Variants in PKNOX1 observed in about 807,000 individuals in gnomAD.
PKNOX1 encodes PBX/knotted 1 homeobox 1, also known as homeobox protein PKNOX1.
A neutral mutation model predicts 51.9 loss-of-function variants in PKNOX1; 15 were observed. The ratio of observed to expected loss-of-function variants is 0.29; its 90% confidence interval spans 0.19 to 0.45. The LOEUF is 0.45. Among genes scored for constraint, PKNOX1 ranks in the 20% least tolerant of loss-of-function variants. The probability of loss-of-function intolerance (pLI) is 1.00; values close to 1 mark genes in which losing one functional copy is unlikely to be tolerated. For missense variants in PKNOX1, 462 were observed against 547.5 expected (o/e 0.84, Z 1.56); for synonymous variants, 219 against 211.1 (o/e 1.04, Z -0.32).
At chr21:42,986,226 G>A (rs1200370449) in intron 1 of PKNOX1, among the ~76,000 whole-genome samples, 1 of 152,028 alleles carries the variant, frequency 6.6e-6, no homozygotes, top group Non-Finnish European at 1.5e-5. Flanking sequence ...GTGATGGCTG[G>A]GCGCAGTGGC....
intron 1 of PKNOX1, among the ~76,000 whole-genome samples, chr21:42,979,514 G>A (rs541382230): frequency 6.6e-5 from 10 of 152,312 alleles, no homozygotes; most frequent in East Asian, 3.9e-4. Context: ...AGGCCGAGGC[G>A]GGTGGATCAC....
intron 1 of PKNOX1, among the ~76,000 whole-genome samples, chr21:42,998,663 C>T (rs1479988017): frequency 6.6e-6 from 1 of 152,182 alleles, no homozygotes; most frequent in Non-Finnish European, 1.5e-5. Flanking sequence ...AGGCTACAGG[C>T]TCCCATGTAA....
chr21:43,031,958 T>G lies in PKNOX1; in HGVS notation c.*1857T>G, dbSNP rs762115314. On this transcript the variant is annotated 3_prime_UTR_variant, in exon 11 of 11. Transcript: ENST00000291547. ...CTCACTGCAACCTCCACCTCTTATG[T>G]TCAAGCAATTCTCCTTCCTTAGCCT... The G allele has an allele frequency of 3.2e-6, 1 of 315,404 alleles. No homozygotes were observed. The highest frequency in any genetic ancestry group is 6.4e-6 in the Non-Finnish European group (1 of 155,702). 19.5% of individuals were successfully genotyped at this position (315,404 alleles called of 1,614,324 possible).
In PKNOX1 at chr21:43,031,520, G is replaced by C. The variant is rs1265564840; in HGVS notation, c.*1419G>C. On this transcript the variant is annotated 3_prime_UTR_variant, in exon 11 of 11. Coordinates refer to ENST00000291547, the MANE Select transcript of PKNOX1 (RefSeq NM_004571.5). ...AGTGGGCTGGGTTCTGTTTTCTTTG[G>C]TTTTGATTTGTTTTCATTGTTTACT... 6.6e-6 allele frequency: 1 copy of C among 152,186 alleles called. No individual in the cohort carries two copies. The highest frequency in any genetic ancestry group is 2.4e-5 in the African/African-American group (1 of 41,444). The allele number at this position is 152,186 out of a possible 1,614,324, so 9.4% of individuals were successfully genotyped here. A position where few individuals can be genotyped will look rare whatever the true frequency, so the allele number is the denominator to read the frequency against.
Position 43,029,951 on chromosome 21 carries a change from C to T in PKNOX1, c.1161C>T (p.Ser387=). 2 of 1,614,204 alleles carry T rather than the reference C, an allele frequency of 1.2e-6. No homozygotes were observed. The highest frequency in any genetic ancestry group is 1.1e-5 in the South Asian group (1 of 91,086). ...ACGTGGACAGCCTTCAGTCTCTGTC[C>T]TCGGACGGGGCCACCCTGGCGGTGC... The part of the protein sequence containing the change: ...NMNVDSLQSL[S]SDGATLAVQQ... The change falls in exon 11 of 11, where the codon TCC becomes TCT. Residue 387 remains serine (S), a synonymous_variant. Transcript: ENST00000291547.
chr21:43,025,584 T>C (rs1185204069), intron 9 of PKNOX1, among the ~76,000 whole-genome samples: 1 of 152,192 alleles, frequency 6.6e-6, no homozygotes, highest in Non-Finnish European at 1.5e-5. Flanking sequence ...GCCAGATGTA[T>C]TTTCTTCAGT....
At chr21:43,009,413 C>G (rs540840878) in intron 3 of PKNOX1, among the ~76,000 whole-genome samples, 3 of 152,048 alleles carry the variant, frequency 2.0e-5, no homozygotes, top group African/African-American at 7.2e-5. Flanking sequence ...CCATTGCACT[C>G]CAGCCTGGGC....
At chr21:42,981,162 CAGG>C (rs1407728523) in intron 1 of PKNOX1, among the ~76,000 whole-genome samples, 2 of 152,180 alleles carry the variant, frequency 1.3e-5, no homozygotes, top group African/African-American at 4.8e-5. Flanking sequence ...GTACACTGTT[CAGG>C]AGGACATGTA....
At chr21:42,976,421 A>G (rs1197327721) in intron 1 of PKNOX1, among the ~76,000 whole-genome samples, 2 of 152,122 alleles carry the variant, frequency 1.3e-5, no homozygotes, top group East Asian at 1.9e-4. Flanking sequence ...AAATAAGACA[A>G]CAGTGAAATT....
chr21:42,978,610 A>C (rs1254893892), intron 1 of PKNOX1, among the ~76,000 whole-genome samples: 2 of 151,208 alleles, frequency 1.3e-5, no homozygotes, highest in East Asian at 3.9e-4. Flanking sequence ...CAGCCTACCA[A>C]GTAGTTGGGA....
chr21:43,017,175 CAAAT>C (rs752504767), intron 6 of PKNOX1, 168 bp downstream of exon 6: 15 of 435,244 alleles, frequency 3.4e-5, no homozygotes, highest in Non-Finnish European at 6.2e-5. Flanking sequence ...TACTCAATAA[CAAAT>C]ATTTTATGCA....
At chr21:43,022,778 T>G (rs2146289894) in intron 8 of PKNOX1, among the ~76,000 whole-genome samples, 1 of 152,268 alleles carries the variant, frequency 6.6e-6, no homozygotes, top group East Asian at 1.9e-4. Flanking sequence ...GACGTACTGG[T>G]TTGATGGAGT....
At chr21:42,982,034 A>G (rs1214822899) in intron 1 of PKNOX1, among the ~76,000 whole-genome samples, 1 of 152,132 alleles carries the variant, frequency 6.6e-6, no homozygotes, top group Non-Finnish European at 1.5e-5. Flanking sequence ...CGCTCCCCTC[A>G]CAGTGGGGGC....
rs1287439431 is a variant in PKNOX1, at chr21:42,974,578, C to T, written c.-143C>T. ...AGCGAGGCTGTGTCGCGTGGCCCAG[C>T]GTCGGCGTGACGGTTGGACGCGGGC... On this transcript the variant is annotated 5_prime_UTR_variant, in exon 1 of 11. Coordinates refer to ENST00000291547, the MANE Select transcript of PKNOX1 (RefSeq NM_004571.5). 6.6e-6 allele frequency: 1 copy of T among 152,230 alleles called. No individual in the cohort carries two copies. Among genetic ancestry groups the T allele is most frequent in the Non-Finnish European group, 1.5e-5 (1 of 67,992 alleles). The allele number at this position is 152,230 out of a possible 1,614,324, so 9.4% of individuals were successfully genotyped here.
chr21:43,016,173 G>A (rs1262965717), intron 5 of PKNOX1, among the ~76,000 whole-genome samples: 1 of 152,234 alleles, frequency 6.6e-6, no homozygotes, highest in African/African-American at 2.4e-5. Context: ...GGGCACATGA[G>A]TGTGCCAGGC....
intron 2 of PKNOX1, 114 bp downstream of exon 2, chr21:43,004,546 G>C (rs1978906286): frequency 2.6e-6 from 2 of 765,848 alleles, no homozygotes; most frequent in African/African-American, 3.5e-5. Flanking sequence ...CTCAGTGTTA[G>C]TGTATTATGC....
intron 5 of PKNOX1, among the ~76,000 whole-genome samples, chr21:43,014,298 A>G (rs571419084): frequency 2.5e-3 from 381 of 152,108 alleles, no homozygotes; most frequent in Admixed American, 3.9e-3. Context: ...TGGGATTACA[A>G]GCATGAGCTA....
chr21:42,997,828 A>G (rs1288727390), intron 1 of PKNOX1, among the ~76,000 whole-genome samples: 2 of 152,082 alleles, frequency 1.3e-5, no homozygotes, highest in African/African-American at 4.8e-5. Flanking sequence ...GGGAGGACTC[A>G]GGGGTGGGAG....
intron 10 of PKNOX1, among the ~76,000 whole-genome samples, chr21:43,029,149 G>GATCT (rs768746649): frequency 8.3e-4 from 127 of 152,284 alleles, no homozygotes; most frequent in Middle Eastern, 3.4e-3. Context: ...CATGCCCATG[G>GATCT]ATCTTCTCCT....
Sources: gnomAD v4.1 joint callset for allele counts (sites outside exome capture counted in the v4.1 genomes callset) on GRCh38, gnomAD v4.1.1 for gene constraint, MANE v1.5 for transcripts, NCBI Gene and HGNC (gene_info 2026-07-23, HGNC 2026-07-21) for gene names.